The following DEDD variants were observed in gnomAD, a reference collection of about 807,000 sequenced individuals.
The protein encoded by DEDD is death effector domain-containing protein.
DEDD carries 3 observed loss-of-function variants against 29.2 expected under a neutral mutation model. The ratio of observed to expected loss-of-function variants is 0.10; its 90% CI spans 0.05 to 0.27. The LOEUF (loss-of-function observed/expected upper bound fraction) is 0.27. DEDD is among the 10% of genes least tolerant of loss of function. DEDD has a pLI of 1.00. For synonymous variants in DEDD, 152 were observed against 161.3 expected, an observed-to-expected ratio of 0.94 and a Z score of 0.44; for missense variants, 261 against 420.5, an observed-to-expected ratio of 0.62 and a Z score of 3.32.
Position 161,122,015 on chromosome 1 carries a change from C to CT in DEDD, c.*131dup. ...GAATACCACTTCCACTTTCTTTTGT[C>CT]TTTTTCTTTAAAAAAAAAAAAAAAA... On this transcript the variant is annotated 3_prime_UTR_variant, in exon 6 of 6. Transcript: ENST00000368006. The surrounding 1 kb of genome is among the most constrained non-coding windows in gnomAD (Gnocchi z 4.2). The CT allele has an allele frequency of 8.2e-7, 1 of 1,223,616 alleles. No homozygotes were observed. Among genetic ancestry groups the CT allele is most frequent in the Non-Finnish European group, 1.1e-6 (1 of 905,740 alleles). The allele number at this position is 1,223,616 out of a possible 1,614,324, so 75.8% of individuals were successfully genotyped here.
At chr1:161,129,393 G>A (rs930924406) in intron 2 of DEDD, among the ~76,000 whole-genome samples, 9 of 152,042 alleles carry the variant, frequency 5.9e-5, no homozygotes, top group Middle Eastern at 6.8e-3. Flanking sequence ...CCAGGAGTTC[G>A]AGACCAGCCT....
At chr1:161,123,735 G>T (rs1034626931) in intron 4 of DEDD, 104 bp downstream of exon 4, 8 of 1,025,226 alleles carry the variant, frequency 7.8e-6, no homozygotes, top group African/African-American at 1.6e-5. Flanking sequence ...GCAAGATGTG[G>T]GCGCACAGCA....
Position 161,121,019 on chromosome 1 carries a change from C to A in DEDD, c.*1128G>T. ...TTATTTCATGGAAACTGAAGTTCTG[C>A]TGAGGGCTGAGCAGCACTGGCATTG... On this transcript the variant is annotated 3_prime_UTR_variant, in exon 6 of 6. Coordinates refer to ENST00000368006, the MANE Select transcript of DEDD (RefSeq NM_032998.3). 7.3e-7 allele frequency: 1 copy of A among 1,370,324 alleles called. No homozygotes were observed. Among genetic ancestry groups the A allele is most frequent in the East Asian group, 2.9e-5 (1 of 34,808 alleles). 84.9% of individuals were successfully genotyped at this position (1,370,324 alleles called of 1,614,324 possible).
At chr1:161,124,685 G>A in intron 2 of DEDD, 159 bp from the exon 3 acceptor site, 1 of 961,520 alleles carries the variant, frequency 1.0e-6, no homozygotes. Context: ...ACACTGGCCA[G>A]GCACAGGGGC....
Position 161,122,481 on chromosome 1 carries a change from G to C in DEDD, c.623C>G (p.Thr208Ser), listed in dbSNP as rs1371971137. Residue 208 changes from threonine (T) to serine (S), a missense_variant, in exon 6 of 6, where the codon ACT (threonine) becomes AGT (serine). Coordinates refer to ENST00000368006, the MANE Select transcript of DEDD (RefSeq NM_032998.3). The surrounding 1 kb of genome is among the most constrained non-coding windows in gnomAD (Gnocchi z 4.2). Reference sequence around the variant, plus strand: ...AGAGAAGACATTGCCCTGCAGAGCAGTCTCATGCTGGCAGTATTCAGCCCG... The same window carrying C: ...AGAGAAGACATTGCCCTGCAGAGCACTCTCATGCTGGCAGTATTCAGCCCG... ...RVRAEYCQHE[T>S]ALQGNVFSNK... 6.2e-7 allele frequency: 1 copy of C among 1,614,192 alleles called. No homozygotes were observed.
Position 161,128,203 on chromosome 1 carries a change from C to T in DEDD, c.-65+2612G>A, listed in dbSNP as rs574334967. 2.6e-5 allele frequency among the ~76,000 whole-genome samples: 4 copies of T among 152,178 alleles called. No homozygotes were observed. In the East Asian group the frequency reaches 7.7e-4, roughly 29 times the overall value. ...TTCTGAACCAGGGGCAAATTTGACC[C>T]CTGGGGAATATGTGGCAATGTCTGG... On this transcript the variant is annotated intron_variant, in intron 2 of 5. Transcript: ENST00000368006.
At chr1:161,131,172 AT>A (rs760731474) in intron 1 of DEDD, 4 of 152,152 alleles carry the variant, frequency 2.6e-5, no homozygotes, top group African/African-American at 4.8e-5. Context: ...TTCCTCCACA[AT>A]TCCTTATTCC....
At position 161,121,214 on chromosome 1, in the gene DEDD, T is replaced by C; in HGVS notation, c.*933A>G. ...CACTCAGTGCATGTCCCAGCCCCATTCTCCCAAGCATGGGAGTGGGCGTAG... is the reference window on the plus strand; with the variant it reads ...CACTCAGTGCATGTCCCAGCCCCATCCTCCCAAGCATGGGAGTGGGCGTAG... On this transcript the variant is annotated 3_prime_UTR_variant, in exon 6 of 6. Coordinates refer to ENST00000368006, the MANE Select transcript of DEDD (RefSeq NM_032998.3). The C allele has an allele frequency of 1.0e-6, 1 of 995,318 alleles. No individual in the cohort carries two copies. The highest frequency in any genetic ancestry group is 1.2e-6 in the Non-Finnish European group (1 of 833,780). The allele number at this position is 995,318 out of a possible 1,614,324, so 61.7% of individuals were successfully genotyped here. A position where few individuals can be genotyped will look rare whatever the true frequency, so the allele number is the denominator to read the frequency against.
At chr1:161,123,728 A>G in intron 4 of DEDD, 111 bp downstream of exon 4, 1 of 941,564 alleles carries the variant, frequency 1.1e-6, no homozygotes, top group East Asian at 2.5e-5. Context: ...TTATGGGGCA[A>G]GATGTGGGCG....
chr1:161,122,041 A>AT lies in DEDD; in HGVS notation c.*105_*106insA. 72 of 1,313,384 alleles carry AT rather than the reference A, an allele frequency of 5.5e-5. No individual in the cohort carries two copies. The highest frequency in any genetic ancestry group is 2.8e-4 in the Middle Eastern group (1 of 3,568). The allele number at this position is 1,313,384 out of a possible 1,614,324, so 81.4% of individuals were successfully genotyped here. On this transcript the variant is annotated 3_prime_UTR_variant, in exon 6 of 6. Transcript: ENST00000368006. This position sits in a 1 kb window ranked among gnomAD's most constrained non-coding sequence, Gnocchi z 4.2. ...TTTTTCTTTAAAAAAAAAAAAAAAA[A>AT]GGCAGGGGTGTGATTGGTTGGAAGG...
At chr1:161,130,259 C>CA (rs1486029600) in intron 2 of DEDD, among the ~76,000 whole-genome samples, 6 of 151,372 alleles carry the variant, frequency 4.0e-5, no homozygotes, top group Non-Finnish European at 7.4e-5. Flanking sequence ...AGAAGAACTA[C>CA]AAAAAAAAGT....
intron 4 of DEDD, 139 bp from the exon 5 acceptor site, chr1:161,123,360 C>A: frequency 1.2e-6 from 1 of 866,486 alleles, no homozygotes; most frequent in Non-Finnish European, 1.8e-6. Flanking sequence ...ACATGTGAGA[C>A]CAGGTGCAGT....
At chr1:161,127,291 G>A (rs1328051269) in intron 2 of DEDD, among the ~76,000 whole-genome samples, 1 of 152,124 alleles carries the variant, frequency 6.6e-6, no homozygotes, top group Non-Finnish European at 1.5e-5. Flanking sequence ...CCTCTGCAAT[G>A]TCCAGAACTA....
chr1:161,121,848 G>C lies in DEDD; in HGVS notation c.*299C>G. ...AGTGTTCACATCAATCCCTTACAAA[G>C]ACTATGTGCTGTAGACTTTGCTTCT... On this transcript the variant is annotated 3_prime_UTR_variant, in exon 6 of 6. Transcript: ENST00000368006. 1 of 320,768 alleles carries C rather than the reference G, an allele frequency of 3.1e-6. No homozygotes were observed. The highest frequency in any genetic ancestry group is 5.8e-6 in the Non-Finnish European group (1 of 171,252). The allele number at this position is 320,768 out of a possible 1,614,324, so 19.9% of individuals were successfully genotyped here.
At position 161,122,975 on chromosome 1, in the gene DEDD, T is replaced by C. The variant is rs2101737784; in HGVS notation, c.580+100A>G. 4 of 1,610,480 alleles carry C rather than the reference T, an allele frequency of 2.5e-6. No individual in the cohort carries two copies. The highest frequency in any genetic ancestry group is 3.3e-4 in the Middle Eastern group (2 of 6,052). ...CCTCACTTTGCAATGGCAATCAAAG[T>C]GAATCTCACACTGAATAGCATAAAC... On this transcript the variant is annotated intron_variant, in intron 5 of 5. Coordinates refer to ENST00000368006, the MANE Select transcript of DEDD (RefSeq NM_032998.3). This position sits in a 1 kb window ranked among gnomAD's most constrained non-coding sequence, Gnocchi z 4.2.
chr1:161,126,641 C>A (rs910627295), intron 2 of DEDD, among the ~76,000 whole-genome samples: 13 of 152,000 alleles, frequency 8.6e-5, no homozygotes, highest in Admixed American at 7.9e-4. Flanking sequence ...CACGCCTGGC[C>A]GAACACTCCA....
In DEDD at chr1:161,131,972, T is replaced by A. The variant is rs1345768156; in HGVS notation, c.-98+579A>T. On this transcript the variant is annotated intron_variant, in intron 1 of 5. Transcript: ENST00000368006. The stretch of plus-strand genomic sequence containing the variant: ...CCATTACCTCCTCCCACCGACACTC[T>A]CTCCATTCCCCAAGCCTCCGTTCTC... 2 of 151,764 alleles carry A rather than the reference T, an allele frequency of 1.3e-5. 1 individual carries two copies. The allele number at this position is 151,764 out of a possible 1,614,324, so 9.4% of individuals were successfully genotyped here. A position where few individuals can be genotyped will look rare whatever the true frequency, so the allele number is the denominator to read the frequency against.
At chr1:161,130,566 A>C (rs1317946905) in intron 2 of DEDD, among the ~76,000 whole-genome samples, 1 of 152,188 alleles carries the variant, frequency 6.6e-6, no homozygotes, top group East Asian at 1.9e-4. Context: ...CTGACCAAGA[A>C]GACTAGACAA....
intron 3 of DEDD, 83 bp downstream of exon 3, chr1:161,124,055 T>C: frequency 6.3e-7 from 1 of 1,576,638 alleles, no homozygotes; most frequent in Non-Finnish European, 8.6e-7. Context: ...AGGATCAATG[T>C]GTCCTCCCCT....
Sources: gnomAD v4.1 joint callset for allele counts (sites outside exome capture counted in the v4.1 genomes callset) on GRCh38, gnomAD v4.1.1 for gene constraint, Gnocchi (gnomAD v3.1) non-coding constraint, MANE v1.5 for transcripts, NCBI Gene and HGNC (gene_info 2026-07-23, HGNC 2026-07-21) for gene names.